The following SCARB1 variants were observed in gnomAD, a reference collection of about 807,000 sequenced individuals.
The protein encoded by SCARB1 is CD36 and LIMPII analogous 1.
In SCARB1, 30 loss-of-function variants were observed where a neutral mutation model predicts 57.2. The observed-to-expected ratio is 0.52, with a 90% CI of 0.39 to 0.71. The LOEUF (loss-of-function observed/expected upper bound fraction) is 0.71, where lower values mean the gene tolerates loss of function less well. Ranked by LOEUF, SCARB1 falls within the 30% of genes least tolerant of loss-of-function variation. SCARB1 has a pLI of 0.00. For synonymous variants in SCARB1, 249 were observed against 268.3 expected, an observed-to-expected ratio of 0.93 and a Z score of 0.70; for missense variants, 543 against 671.2, an observed-to-expected ratio of 0.81 and a Z score of 2.11.
At chr12:124,787,362 G>C (rs535953860) in intron 10 of SCARB1, 44 bp downstream of exon 10, 1 of 1,595,150 alleles carries the variant, frequency 6.3e-7, no homozygotes, top group Non-Finnish European at 8.6e-7. Flanking sequence ...GCCCACATTG[G>C]CTCTTAACAA....
At chr12:124,825,255 C>G (rs868469824) in intron 1 of SCARB1, among the ~76,000 whole-genome samples, 36 of 151,512 alleles carry the variant, frequency 2.4e-4, no homozygotes, top group African/African-American at 7.7e-4. Flanking sequence ...AAAGCTGATC[C>G]CCACCCACCC....
At chr12:124,837,567 A>AAG (rs1951727945) in intron 1 of SCARB1, among the ~76,000 whole-genome samples, 1 of 18,648 alleles carries the variant, frequency 5.4e-5, no homozygotes, top group African/African-American at 1.0e-4. Flanking sequence ...AGAAAAGAAA[A>AAG]GAAAAGAAAA....
intron 12 of SCARB1, among the ~76,000 whole-genome samples, chr12:124,780,815 A>G (rs1213353692): frequency 1.3e-5 from 2 of 152,044 alleles, no homozygotes; most frequent in Non-Finnish European, 2.9e-5. Flanking sequence ...TATCTATGCT[A>G]AAAGTGAAAA....
intron 1 of SCARB1, among the ~76,000 whole-genome samples, chr12:124,847,556 C>A (rs558108761): frequency 1.3e-5 from 2 of 152,346 alleles, no homozygotes; most frequent in Admixed American, 1.3e-4. Flanking sequence ...TTTCCACAAT[C>A]TTCCTGGCCC....
chr12:124,806,183 C>T (rs530063333), intron 7 of SCARB1, among the ~76,000 whole-genome samples: 6 of 152,118 alleles, frequency 3.9e-5, no homozygotes, highest in African/African-American at 9.6e-5. Flanking sequence ...AGGACGTGTC[C>T]GTGGCCTGGA....
chr12:124,834,549 G>A (rs1310883142), intron 1 of SCARB1, among the ~76,000 whole-genome samples: 5 of 152,216 alleles, frequency 3.3e-5, no homozygotes, highest in Non-Finnish European at 7.3e-5. Context: ...CATGCTTGGG[G>A]ATTTTCTTTT....
chr12:124,814,906 C>T lies in SCARB1; in HGVS notation c.426+67G>A. The T allele has an allele frequency of 6.2e-7, 1 of 1,601,952 alleles. No individual in the cohort carries two copies. Among genetic ancestry groups the T allele is most frequent in the Non-Finnish European group, 8.5e-7 (1 of 1,171,816 alleles). On this transcript the variant is annotated intron_variant, in intron 3 of 12. Transcript: ENST00000261693. This position sits in a 1 kb window ranked among gnomAD's most constrained non-coding sequence, Gnocchi z 4.7. ...CAGGGACTGCTCTCTGCACAAGGGGCAGGCGGGAGGAGAGACAGGGGACGA... is the reference window on the plus strand; with the variant it reads ...CAGGGACTGCTCTCTGCACAAGGGGTAGGCGGGAGGAGAGACAGGGGACGA...
At chr12:124,850,990 G>A (rs1387976149) in intron 1 of SCARB1, among the ~76,000 whole-genome samples, 1 of 152,182 alleles carries the variant, frequency 6.6e-6, no homozygotes, top group African/African-American at 2.4e-5. Context: ...GGCTCCAAAT[G>A]GGCAGGCGAC....
Position 124,778,482 on chromosome 12 carries a change from G to A in SCARB1, c.*105C>T. Reference sequence around the variant, plus strand: ...GCTGGGAGGCTCAGGCTGTGGGGCTGGGGGGCTGTCCGCTGGGAGAGTCCG... The same window carrying A: ...GCTGGGAGGCTCAGGCTGTGGGGCTAGGGGGCTGTCCGCTGGGAGAGTCCG... On this transcript the variant is annotated 3_prime_UTR_variant, in exon 13 of 13. Coordinates refer to ENST00000261693, the MANE Select transcript of SCARB1 (RefSeq NM_005505.5). 2 of 1,346,610 alleles carry A rather than the reference G, an allele frequency of 1.5e-6. No homozygotes were observed. Among genetic ancestry groups the A allele is most frequent in the Non-Finnish European group, 1.9e-6 (2 of 1,046,730 alleles). 83.4% of individuals were successfully genotyped at this position (1,346,610 alleles called of 1,614,324 possible).
chr12:124,828,888 A>T (rs148588887), intron 1 of SCARB1, among the ~76,000 whole-genome samples: 147 of 152,292 alleles, frequency 9.7e-4, no homozygotes, highest in African/African-American at 3.5e-3. Flanking sequence ...GCCCAGACGA[A>T]GCCTAGTTCT....
At chr12:124,847,004 A>G (rs765169872) in intron 1 of SCARB1, among the ~76,000 whole-genome samples, 4 of 152,194 alleles carry the variant, frequency 2.6e-5, no homozygotes, top group Admixed American at 6.5e-5. Flanking sequence ...GTGATACTAT[A>G]AAAAGCAAAG....
At position 124,810,421 on chromosome 12, in the gene SCARB1, A is replaced by G. The variant is rs2135658007; in HGVS notation, c.727-132T>C. On this transcript the variant is annotated intron_variant, in intron 5 of 12. Coordinates refer to ENST00000261693, the MANE Select transcript of SCARB1 (RefSeq NM_005505.5). The surrounding 1 kb of genome is among the most constrained non-coding windows in gnomAD (Gnocchi z 4.0). ...AATTCCCAATACTGGCACGGTGGGAAGAGGGCAGGCTATGTAGACACACAG... is the reference window on the plus strand; with the variant it reads ...AATTCCCAATACTGGCACGGTGGGAGGAGGGCAGGCTATGTAGACACACAG... 4.3e-6 allele frequency: 3 copies of G among 699,634 alleles called. No homozygotes were observed. In the South Asian group the frequency reaches 4.6e-5, roughly 11 times the overall value. 43.3% of individuals were successfully genotyped at this position (699,634 alleles called of 1,614,324 possible).
chr12:124,824,131 G>A (rs1382839609), intron 1 of SCARB1, among the ~76,000 whole-genome samples: 8 of 149,724 alleles, frequency 5.3e-5, no homozygotes, highest in South Asian at 4.2e-4. Flanking sequence ...AGCCGAGATC[G>A]CGCCGCTGCA....
In SCARB1 at chr12:124,814,326, C is replaced by T. The variant is rs758526740; in HGVS notation, c.506G>A (p.Arg169His). 1.7e-5 allele frequency: 28 copies of T among 1,614,084 alleles called. No homozygotes were observed. Among genetic ancestry groups the T allele is most frequent in the African/African-American group, 4.0e-5 (3 of 74,932 alleles). Residue 169 changes from arginine to histidine, a missense_variant, in exon 4 of 13, where the codon CGT (arginine) becomes CAT (histidine). Transcript: ENST00000261693. This position sits in a 1 kb window ranked among gnomAD's most constrained non-coding sequence, Gnocchi z 4.7. The stretch of plus-strand genomic sequence containing the variant: ...ACCCACAGTGCGGTTCATGAAGGCA[C>T]GTTCGCCGAGGGTGGTGAATGCCAA... ...MTLAFTTLGERAFMNRTVGEI... is the reference protein window; with the variant it reads ...MTLAFTTLGEHAFMNRTVGEI...
intron 6 of SCARB1, among the ~76,000 whole-genome samples, chr12:124,808,336 G>C (rs957445663): frequency 2.8e-4 from 42 of 152,298 alleles, no homozygotes; most frequent in African/African-American, 1.0e-3. Flanking sequence ...AAAAAGAACA[G>C]AATATATCAT....
intron 1 of SCARB1, among the ~76,000 whole-genome samples, chr12:124,857,860 A>G (rs943959441): frequency 2.0e-5 from 3 of 152,228 alleles, no homozygotes; most frequent in African/African-American, 7.2e-5. Context: ...TCTCCTGGAC[A>G]TGGAAGAAGG....
At chr12:124,828,100 T>G (rs1429683513) in intron 1 of SCARB1, among the ~76,000 whole-genome samples, 2 of 152,116 alleles carry the variant, frequency 1.3e-5, no homozygotes, top group Non-Finnish European at 2.9e-5. Flanking sequence ...TTGTGTGTTT[T>G]AAACAGCTCA....
intron 7 of SCARB1, among the ~76,000 whole-genome samples, chr12:124,802,708 C>A (rs891543097): frequency 6.6e-6 from 1 of 152,194 alleles, no homozygotes; most frequent in Non-Finnish European, 1.5e-5. Context: ...TAATTTGTAG[C>A]TTTATGGCAT....
chr12:124,854,056 G>T (rs1285001208), intron 1 of SCARB1, among the ~76,000 whole-genome samples: 1 of 152,230 alleles, frequency 6.6e-6, no homozygotes. Flanking sequence ...TTCTCATGGG[G>T]AGAAATAGAC....
Sources: allele counts gnomAD v4.1 joint callset (sites outside exome capture counted in the v4.1 genomes callset), GRCh38; gene constraint gnomAD v4.1.1; non-coding constraint Gnocchi (gnomAD v3.1); transcripts MANE v1.5; gene names NCBI Gene and HGNC (gene_info 2026-07-23, HGNC 2026-07-21).